Variants in KCTD14 observed in about 807,000 individuals in gnomAD.
The protein encoded by KCTD14 is potassium channel tetramerization domain containing 14, also known as BTB/POZ domain-containing protein KCTD14.
A neutral mutation model predicts 5.9 loss-of-function variants in KCTD14; 7 were observed. That is an observed-to-expected ratio of 1.19 (90% CI 0.68 to 2.23). The LOEUF (loss-of-function observed/expected upper bound fraction) is 2.23, where lower values mean the gene tolerates loss of function less well. KCTD14 is among the 30% of genes most tolerant of loss of function. KCTD14 has a pLI of 0.00. For synonymous variants in KCTD14, 140 were observed against 133.1 expected (o/e 1.05, Z -0.36); for missense variants, 342 against 332.2 (o/e 1.03, Z -0.23).
At chr11:78,021,939 A>G (rs1482924779) in intron 1 of KCTD14, among the ~76,000 whole-genome samples, 1 of 152,144 alleles carries the variant, frequency 6.6e-6, no homozygotes, top group Non-Finnish European at 1.5e-5. Flanking sequence ...CACCTCCAGA[A>G]GCTCACTCAC....
intron 2 of KCTD14, among the ~76,000 whole-genome samples, chr11:78,028,591 A>G (rs1857530735): frequency 6.9e-6 from 1 of 144,292 alleles, no homozygotes; most frequent in African/African-American, 2.6e-5. Flanking sequence ...CAATAGAGCA[A>G]GTGTCCATCT....
At chr11:78,025,180 C>T (rs865921517), upstream of KCTD14, among the ~76,000 whole-genome samples, 4 of 138,992 alleles carry the variant, frequency 2.9e-5, no homozygotes, top group Non-Finnish European at 6.1e-5. Context: ...TAAGTATTAA[C>T]TCACACAATC....
chr11:78,046,182 TC>T (rs753786780), exon 1 of KCTD14: 27 of 951,740 alleles, frequency 2.8e-5, no homozygotes, highest in African/African-American at 3.5e-5. Context: ...AAGAAAGAGA[TC>T]GGCTCAGTGC....
intron 2 of KCTD14, among the ~76,000 whole-genome samples, chr11:78,031,046 G>T (rs940863448): frequency 6.9e-5 from 9 of 131,382 alleles, no homozygotes; most frequent in Non-Finnish European, 1.1e-4. Flanking sequence ...GCAAGTAATG[G>T]TTTTTTTTTT....
rs539585936 is a variant in KCTD14, at chr11:78,021,366, T to C, written c.90+1794A>G. Reference sequence around the variant, plus strand: ...TGACATCTTCAGCTCCATTTCTTTATCAAACAAGACCTCAGCCGTGTTCCT... The same window carrying C: ...TGACATCTTCAGCTCCATTTCTTTACCAAACAAGACCTCAGCCGTGTTCCT... On this transcript the variant is annotated intron_variant, in intron 1 of 1. Transcript: ENST00000353172. Among the ~76,000 whole-genome samples, 4 of 150,488 alleles carry C rather than the reference T, an allele frequency of 2.7e-5. No homozygotes were observed. The South Asian group carries it at 8.5e-4, about 32-fold the overall frequency.
At chr11:78,043,379 T>C (rs912618540) in intron 1 of KCTD14, among the ~76,000 whole-genome samples, 5 of 152,180 alleles carry the variant, frequency 3.3e-5, no homozygotes, top group Admixed American at 3.3e-4. Flanking sequence ...GAATGAGGTA[T>C]TCAGATAAAC....
At chr11:78,022,589 C>T (rs1007447448) in intron 1 of KCTD14, among the ~76,000 whole-genome samples, 17 of 152,164 alleles carry the variant, frequency 1.1e-4, no homozygotes, top group Non-Finnish European at 4.4e-5. Context: ...GAATGTTCTG[C>T]TCCCAGAGTG....
chr11:78,021,051 C>G (rs1476665852), intron 1 of KCTD14, among the ~76,000 whole-genome samples: 2 of 152,106 alleles, frequency 1.3e-5, no homozygotes, highest in Non-Finnish European at 2.9e-5. Flanking sequence ...GCCTGTAATC[C>G]CAGCACTTTG....
chr11:78,022,828 G>GTCT, intron 1 of KCTD14: 1 of 257,530 alleles, frequency 3.9e-6, no homozygotes. Context: ...GGGCAGAGGA[G>GTCT]GAGTCGTGGG....
At chr11:78,037,758 G>T (rs934545700) in intron 2 of KCTD14, among the ~76,000 whole-genome samples, 1 of 152,088 alleles carries the variant, frequency 6.6e-6, no homozygotes, top group Admixed American at 6.5e-5. Flanking sequence ...GGCAGAGGTT[G>T]CAGTGAGCCA....
At chr11:78,030,128 C>A (rs902746909) in intron 2 of KCTD14, among the ~76,000 whole-genome samples, 1 of 152,180 alleles carries the variant, frequency 6.6e-6, no homozygotes, top group Admixed American at 6.5e-5. Flanking sequence ...TCTCTGTCTC[C>A]ATTCCTGGAC....
chr11:78,042,642 G>C lies in KCTD14; in HGVS notation c.-96+3419C>G, dbSNP rs114323237. On this transcript the variant is annotated intron_variant, in intron 1 of 2. Coordinates refer to the KCTD14 transcript ENST00000533144. Reference sequence around the variant, plus strand: ...CGTGTTGAAGCAGCATCATTGTCTGGGGTAAATATCTGAGGTTCATTGCCT... The same window carrying C: ...CGTGTTGAAGCAGCATCATTGTCTGCGGTAAATATCTGAGGTTCATTGCCT... Among the ~76,000 whole-genome samples the C allele has an allele frequency of 8.1e-3, 1,234 of 152,344 alleles. 10 individuals are homozygous for C. Among genetic ancestry groups the C allele is most frequent in the African/African-American group, 0.027 (1,113 of 41,580 alleles).
chr11:78,026,751 G>A (rs188995136), upstream of KCTD14, among the ~76,000 whole-genome samples: 8 of 152,168 alleles, frequency 5.3e-5, no homozygotes, highest in East Asian at 1.9e-4. Flanking sequence ...CTTGGGCAGT[G>A]GAATGAGATC....
At chr11:78,024,445 C>CACAT (rs1491358785), upstream of KCTD14, among the ~76,000 whole-genome samples, 21 of 140,498 alleles carry the variant, frequency 1.5e-4, no homozygotes, top group Middle Eastern at 3.7e-3. Context: ...CACACACACA[C>CACAT]ATATATATAT....
At chr11:78,034,033 T>C (rs1448094331) in intron 2 of KCTD14, among the ~76,000 whole-genome samples, 2 of 151,870 alleles carry the variant, frequency 1.3e-5, no homozygotes, top group Non-Finnish European at 2.9e-5. Flanking sequence ...GAATACATCA[T>C]GGGACAAAAA....
At chr11:78,019,602 C>T (rs1039997358) in intron 1 of KCTD14, among the ~76,000 whole-genome samples, 2 of 152,176 alleles carry the variant, frequency 1.3e-5, no homozygotes, top group African/African-American at 4.8e-5. Flanking sequence ...CAGATGCAAG[C>T]CACCACGCCC....
rs753097103 is a variant in KCTD14 at position 78,017,136 on chromosome 11, G to A, written c.225C>T (p.Gly75=). 2.5e-6 allele frequency: 4 copies of A among 1,614,152 alleles called. No homozygotes were observed. The highest frequency in any genetic ancestry group is 1.6e-4 in the Middle Eastern group (1 of 6,062). ...TGCTGGGGCGGTCGATGAAGAAGCG[G>A]CCCTCCGCGTCCGTGGAGGCCTTGG... ...SLAKASTDAE[G]RFFIDRPSTY... is the part of the protein sequence containing the mutation. The change falls in exon 2 of 2, where the codon GGC becomes GGT. Residue 75 remains glycine, a synonymous_variant. Transcript: ENST00000353172.
chr11:78,030,699 A>G (rs540418327), intron 2 of KCTD14, among the ~76,000 whole-genome samples: 1 of 152,280 alleles, frequency 6.6e-6, no homozygotes, highest in African/African-American at 2.4e-5. Context: ...TAGGCCAGCC[A>G]GCCAAATGGC....
rs548127512 is a variant in KCTD14 at position 78,032,163 on chromosome 11, G to A, written c.-1+6501C>T. Among the ~76,000 whole-genome samples, 3 of 152,346 alleles carry A rather than the reference G, an allele frequency of 2.0e-5. No individual in the cohort carries two copies. The East Asian group carries it at 5.8e-4, about 29-fold the overall frequency. On this transcript the variant is annotated intron_variant, in intron 2 of 2. Coordinates refer to the KCTD14 transcript ENST00000533144. ...GCCAGGCACAGGGAGGCACTGGGAG[G>A]AAGTATGGCTGGGCTTCCTTCAAAC...
Sources: gnomAD v4.1 joint callset for allele counts (sites outside exome capture counted in the v4.1 genomes callset) on GRCh38, gnomAD v4.1.1 for gene constraint, MANE v1.5 for transcripts, NCBI Gene and HGNC (gene_info 2026-07-23, HGNC 2026-07-21) for gene names.